The following VWA2 variants were observed in gnomAD, a reference collection of about 807,000 sequenced individuals.
VWA2 encodes von Willebrand factor A domain-containing protein 2.
VWA2 carries 73 observed loss-of-function variants against 70.4 expected under a neutral mutation model. The ratio of observed to expected loss-of-function variants is 1.04; its 90% CI spans 0.86 to 1.26. The LOEUF (loss-of-function observed/expected upper bound fraction) is 1.26. Ranked by LOEUF, VWA2 falls within the 50% of genes most tolerant of loss-of-function variation. The pLI, the probability that VWA2 is intolerant of heterozygous loss-of-function variation, is 0.00. For missense variants in VWA2, 1,011 were observed against 998.5 expected, an observed-to-expected ratio of 1.01 and a Z score of -0.17; for synonymous variants, 407 against 423.3, an observed-to-expected ratio of 0.96 and a Z score of 0.47.
At chr10:114,255,474 G>T (rs1384939392) in intron 4 of VWA2, among the ~76,000 whole-genome samples, 1 of 152,134 alleles carries the variant, frequency 6.6e-6, no homozygotes, top group Non-Finnish European at 1.5e-5. Context: ...GTTTCTGGCC[G>T]GACCTCAGTT....
rs920767035 is a variant in VWA2, at chr10:114,253,659, T to A, written c.61T>A (p.Ser21Thr). 1 of 1,611,904 alleles carries A rather than the reference T, an allele frequency of 6.2e-7. No homozygotes were observed. The change falls in exon 3 of 14, where the codon TCT becomes ACT. Residue 21 changes from serine (S) to threonine (T), a missense_variant. Ser to Thr is a moderately conservative substitution (Grantham distance 58). Coordinates refer to ENST00000392982, the MANE Select transcript of VWA2 (RefSeq NM_001272046.2). ...CVFLFSRVPP[S>T]LPLQEVHVSK... is the part of the protein sequence containing the mutation. ...GGTGTTTTCTCTCCTAGTGCCCCCA[T>A]CTCTCCCTCTCCAGGAAGTCCATGT... is the stretch of plus-strand genomic sequence containing the variant.
chr10:114,242,921 A>G (rs760576219), intron 1 of VWA2, among the ~76,000 whole-genome samples: 15 of 152,136 alleles, frequency 9.9e-5, no homozygotes, highest in Non-Finnish European at 1.9e-4. Context: ...GAGTTTATGA[A>G]ACAGATTCTC....
At chr10:114,244,323 C>T (rs2037025375) in intron 1 of VWA2, among the ~76,000 whole-genome samples, 1 of 152,194 alleles carries the variant, frequency 6.6e-6, no homozygotes, top group African/African-American at 2.4e-5. Flanking sequence ...TCACCTCTTA[C>T]CGGCAGCCCC....
intron 6 of VWA2, among the ~76,000 whole-genome samples, chr10:114,274,650 A>C (rs1043302198): frequency 8.2e-5 from 12 of 146,962 alleles, no homozygotes; most frequent in South Asian, 4.3e-4. Context: ...ACGCCACCAC[A>C]CCTGGCTACT....
At chr10:114,271,933 GACT>G (rs934953666) in intron 5 of VWA2, among the ~76,000 whole-genome samples, 9 of 152,232 alleles carry the variant, frequency 5.9e-5, no homozygotes, top group Admixed American at 1.3e-4. Context: ...AACAGGGACT[GACT>G]CACAATTCCG....
intron 4 of VWA2, among the ~76,000 whole-genome samples, chr10:114,257,684 A>G (rs1167817335): frequency 1.3e-5 from 2 of 152,208 alleles, no homozygotes; most frequent in Non-Finnish European, 2.9e-5. Context: ...GTGGCAGTGT[A>G]TGTGCGTGTG....
In VWA2 at chr10:114,261,304, G is replaced by A; in HGVS notation, c.371+9G>A. 1 of 1,604,606 alleles carries A rather than the reference G, an allele frequency of 6.2e-7. No homozygotes were observed. The highest frequency in any genetic ancestry group is 2.2e-5 in the East Asian group (1 of 44,846). Reference sequence around the variant, plus strand: ...AAGAGGATGGTTTTCAAGTATGTATGATCAGATACTGCTGTGGTTAGGGTG... The same window carrying A: ...AAGAGGATGGTTTTCAAGTATGTATAATCAGATACTGCTGTGGTTAGGGTG... On this transcript the variant is annotated intron_variant, in intron 5 of 13. Transcript: ENST00000392982.
chr10:114,271,617 A>G (rs2037712454), intron 5 of VWA2, among the ~76,000 whole-genome samples: 1 of 151,752 alleles, frequency 6.6e-6, no homozygotes, highest in Admixed American at 6.6e-5. Flanking sequence ...AAACACACAC[A>G]CACACACACA....
intron 5 of VWA2, among the ~76,000 whole-genome samples, chr10:114,264,859 A>G (rs1305573103): frequency 6.6e-6 from 1 of 152,130 alleles, no homozygotes. Context: ...AGCTAGGACT[A>G]TAGGCGCTCG....
intron 1 of VWA2, among the ~76,000 whole-genome samples, chr10:114,243,949 T>C (rs1175969734): frequency 6.6e-6 from 1 of 152,142 alleles, no homozygotes; most frequent in East Asian, 1.9e-4. Context: ...TCTACATCCA[T>C]GGATGAGAAC....
chr10:114,244,260 A>T (rs542082946), intron 1 of VWA2, among the ~76,000 whole-genome samples: 2 of 152,154 alleles, frequency 1.3e-5, no homozygotes, highest in Non-Finnish European at 2.9e-5. Flanking sequence ...TGTGCTTCTG[A>T]ACTGCCTCTA....
At chr10:114,285,656 G>T (rs1450036894) in intron 10 of VWA2, among the ~76,000 whole-genome samples, 1 of 152,214 alleles carries the variant, frequency 6.6e-6, no homozygotes, top group African/African-American at 2.4e-5. Context: ...GGCAGACAAA[G>T]ATTTCTCAGG....
intron 2 of VWA2, 77 bp from the exon 3 acceptor site, chr10:114,253,574 C>T (rs2037253227): frequency 9.2e-6 from 12 of 1,297,990 alleles, no homozygotes; most frequent in Non-Finnish European, 1.2e-5. Flanking sequence ...CCTGTTTAGT[C>T]AAGTCACTTA....
In VWA2 at chr10:114,286,070, GACT is replaced by G; in HGVS notation, c.1130_1132del (p.Asp377_Ser378delinsAla). ...GTTTGTGCGGGCCGTGCTGAGCGAGGACTCTCGGGCCCGAGTGGGTGTGGCCAC... is the reference window on the plus strand; with the variant it reads ...GTTTGTGCGGGCCGTGCTGAGCGAGGCTCGGGCCCGAGTGGGTGTGGCCAC... On this transcript the variant is annotated inframe_deletion, in exon 11 of 14. Transcript: ENST00000392982. 6.2e-7 allele frequency: 1 copy of G among 1,614,150 alleles called. No individual in the cohort carries two copies. Among genetic ancestry groups the G allele is most frequent in the Non-Finnish European group, 8.5e-7 (1 of 1,180,034 alleles).
chr10:114,262,488 C>G (rs1486900228), intron 5 of VWA2, among the ~76,000 whole-genome samples: 1 of 152,124 alleles, frequency 6.6e-6, no homozygotes, highest in African/African-American at 2.4e-5. Context: ...CCACTCTGGG[C>G]TCCTGCTGCC....
intron 11 of VWA2, among the ~76,000 whole-genome samples, chr10:114,288,695 G>C (rs1262680549): frequency 6.6e-6 from 1 of 152,234 alleles, no homozygotes; most frequent in African/African-American, 2.4e-5. Flanking sequence ...ATAGAACTTA[G>C]ACACGTGGCC....
At position 114,290,249 on chromosome 10, in the gene VWA2, A is replaced by C; in HGVS notation, c.2132A>C (p.Gln711Pro). 6.4e-7 allele frequency: 1 copy of C among 1,550,424 alleles called. No homozygotes were observed. The highest frequency in any genetic ancestry group is 1.2e-5 in the South Asian group (1 of 84,048). The change falls in exon 13 of 14, where the codon CAG becomes CCG. Residue 711 changes from glutamine (Q) to proline (P), a missense_variant. Physicochemically the swap from Gln to Pro is moderately conservative, Grantham distance 76. Coordinates refer to ENST00000392982, the MANE Select transcript of VWA2 (RefSeq NM_001272046.2). Reference sequence around the variant, plus strand: ...GTGTTCTCCATTGTAGAAGCCAAGCAGCCAGTCAACCTCTGCAAACCCAGC... The same window carrying C: ...GTGTTCTCCATTGTAGAAGCCAAGCCGCCAGTCAACCTCTGCAAACCCAGC... ...LIEWLCGEAKQPVNLCKPSPC... is the reference protein window; with the variant it reads ...LIEWLCGEAKPPVNLCKPSPC...
intron 5 of VWA2, among the ~76,000 whole-genome samples, chr10:114,269,357 G>T (rs2037655280): frequency 6.6e-6 from 1 of 152,196 alleles, no homozygotes; most frequent in African/African-American, 2.4e-5. Context: ...AGGGCGGGCA[G>T]ATCACCTGAG....
intron 9 of VWA2, among the ~76,000 whole-genome samples, chr10:114,283,015 TG>T (rs1189692837): frequency 1.3e-5 from 2 of 152,186 alleles, no homozygotes; most frequent in Non-Finnish European, 2.9e-5. Flanking sequence ...ATAATGCCCA[TG>T]GAAGTAATCC....
Sources: allele counts gnomAD v4.1 joint callset (sites outside exome capture counted in the v4.1 genomes callset), GRCh38; gene constraint gnomAD v4.1.1; transcripts MANE v1.5; gene names NCBI Gene and HGNC (gene_info 2026-07-23, HGNC 2026-07-21).